STAP1: variants seen among roughly 807,000 people sequenced by gnomAD.
STAP1 encodes signal transducing adaptor family member 1.
STAP1 carries 30 observed loss-of-function variants against 37.8 expected under a neutral mutation model. The observed-to-expected ratio is 0.79, with a 90% CI of 0.59 to 1.08. The LOEUF (loss-of-function observed/expected upper bound fraction) is 1.08. Ranked by LOEUF, STAP1 falls within the 50% of genes least tolerant of loss-of-function variation. The pLI is 0.00. For synonymous variants in STAP1, 130 were observed against 116.0 expected, an observed-to-expected ratio of 1.12 and a Z score of -0.78; for missense variants, 357 against 349.4, an observed-to-expected ratio of 1.02 and a Z score of -0.17.
chr4:67,599,724 C>A (rs1728300753), intron 8 of STAP1, among the ~76,000 whole-genome samples: 1 of 151,894 alleles, frequency 6.6e-6, no homozygotes, highest in South Asian at 2.1e-4. Flanking sequence ...TCACTGCAAC[C>A]TCCACCTCCC....
intron 8 of STAP1, among the ~76,000 whole-genome samples, chr4:67,602,404 T>C (rs527454347): frequency 4.1e-4 from 63 of 152,304 alleles, no homozygotes; most frequent in Non-Finnish European, 7.6e-4. Flanking sequence ...AATACTTATG[T>C]TTGTTGATGT....
At chr4:67,593,661 A>G (rs1728167521) in intron 8 of STAP1, among the ~76,000 whole-genome samples, 1 of 152,250 alleles carries the variant, frequency 6.6e-6, no homozygotes, top group Non-Finnish European at 1.5e-5. Context: ...AGAGGAAACC[A>G]TAATCATACA....
intron 8 of STAP1, among the ~76,000 whole-genome samples, chr4:67,605,169 G>A (rs1384709781): frequency 6.6e-6 from 1 of 152,144 alleles, no homozygotes; most frequent in African/African-American, 2.4e-5. Context: ...GCAGTTCTGT[G>A]AGACTGCAGT....
At chr4:67,599,734 C>T (rs1202056589) in intron 8 of STAP1, among the ~76,000 whole-genome samples, 8 of 151,882 alleles carry the variant, frequency 5.3e-5, no homozygotes, top group Admixed American at 3.9e-4. Flanking sequence ...CTCCACCTCC[C>T]GGGTTCAAGC....
chr4:67,566,712 G>A (rs1727478907), intron 1 of STAP1, among the ~76,000 whole-genome samples: 1 of 152,208 alleles, frequency 6.6e-6, no homozygotes, highest in South Asian at 2.1e-4. Context: ...GCTCATGCCT[G>A]TAATCCCCGC....
chr4:67,562,980 C>T (rs1361418638), intron 1 of STAP1, among the ~76,000 whole-genome samples: 1 of 152,134 alleles, frequency 6.6e-6, no homozygotes, highest in Non-Finnish European at 1.5e-5. Flanking sequence ...GACCACTATA[C>T]AACATTCTTC....
intron 1 of STAP1, among the ~76,000 whole-genome samples, chr4:67,563,565 G>A (rs971763163): frequency 2.6e-5 from 4 of 152,118 alleles, no homozygotes; most frequent in Non-Finnish European, 2.9e-5. Flanking sequence ...TTAGCCAGGC[G>A]TGGTGGCACA....
chr4:67,582,301 G>GTTTTTTTTTTTTTTTTTTTTTTTTT (rs368595773), intron 5 of STAP1, among the ~76,000 whole-genome samples: 2 of 148,062 alleles, frequency 1.4e-5, no homozygotes, highest in African/African-American at 2.5e-5. Flanking sequence ...TAACATTTTA[G>GTTTTTTTTTTTTTTTTTTTTTTTTT]TTTTTTTTTT....
At chr4:67,562,547 C>T (rs1036202901) in intron 1 of STAP1, among the ~76,000 whole-genome samples, 6 of 147,158 alleles carry the variant, frequency 4.1e-5, no homozygotes, top group Non-Finnish European at 7.4e-5. Flanking sequence ...GGGCGGATCA[C>T]GAGGTCAGAA....
chr4:67,589,517 T>C (rs537619148), intron 6 of STAP1, among the ~76,000 whole-genome samples: 1 of 152,246 alleles, frequency 6.6e-6, no homozygotes, highest in African/African-American at 2.4e-5. Flanking sequence ...AAAAAGAAGG[T>C]AGAAAGACCC....
intron 8 of STAP1, among the ~76,000 whole-genome samples, chr4:67,594,958 G>A (rs1487644243): frequency 6.6e-6 from 1 of 152,054 alleles, no homozygotes; most frequent in Non-Finnish European, 1.5e-5. Flanking sequence ...GCATGTGTGT[G>A]ATTGGGAAGT....
At chr4:67,576,650 C>A (rs1363298276) in intron 3 of STAP1, among the ~76,000 whole-genome samples, 1 of 152,136 alleles carries the variant, frequency 6.6e-6, no homozygotes, top group Admixed American at 6.6e-5. Flanking sequence ...GACACCACCA[C>A]AACAGGCTAA....
intron 8 of STAP1, 131 bp downstream of exon 8, chr4:67,593,487 G>C (rs1237552569): frequency 1.5e-6 from 1 of 649,060 alleles, no homozygotes; most frequent in Non-Finnish European, 2.6e-6. Flanking sequence ...TTATCCATTT[G>C]GAAATCATTT....
At chr4:67,572,271 T>C (rs1560458056) in intron 2 of STAP1, among the ~76,000 whole-genome samples, 1 of 152,208 alleles carries the variant, frequency 6.6e-6, no homozygotes, top group Non-Finnish European at 1.5e-5. Context: ...TTAATAAATA[T>C]GCAAAGCAGT....
intron 3 of STAP1, among the ~76,000 whole-genome samples, chr4:67,575,762 G>T (rs1334610631): frequency 6.6e-6 from 1 of 152,152 alleles, no homozygotes; most frequent in East Asian, 1.9e-4. Context: ...TGCTAAGGTT[G>T]TTCTTGAATC....
chr4:67,605,241 C>T (rs1370744813), intron 8 of STAP1, among the ~76,000 whole-genome samples: 3 of 152,152 alleles, frequency 2.0e-5, no homozygotes, highest in South Asian at 4.1e-4. Context: ...CAATTCTCCC[C>T]TCTGCCCACC....
chr4:67,582,000 G>T (rs1727871468), intron 5 of STAP1, among the ~76,000 whole-genome samples: 1 of 151,932 alleles, frequency 6.6e-6, no homozygotes, highest in African/African-American at 2.4e-5. Flanking sequence ...TTATATTATT[G>T]AAAAGATTCT....
chr4:67,572,823 C>T (rs1447037623), intron 2 of STAP1, among the ~76,000 whole-genome samples: 5 of 152,066 alleles, frequency 3.3e-5, no homozygotes, highest in African/African-American at 4.8e-5. Flanking sequence ...ATTTTAATTC[C>T]GGCTTTATAG....
intron 4 of STAP1, among the ~76,000 whole-genome samples, chr4:67,578,585 CTGAGT>C (rs1352436064): frequency 6.6e-6 from 1 of 152,148 alleles, no homozygotes; most frequent in African/African-American, 2.4e-5. Flanking sequence ...GAAAATATCT[CTGAGT>C]GGTATGGTGC....
Sources: gnomAD v4.1 joint callset for allele counts (sites outside exome capture counted in the v4.1 genomes callset) on GRCh38, gnomAD v4.1.1 for gene constraint, MANE v1.5 for transcripts, NCBI Gene and HGNC (gene_info 2026-07-23, HGNC 2026-07-21) for gene names.